Variants in UBE2U observed in about 807,000 individuals in gnomAD.
UBE2U encodes the protein ubiquitin-conjugating enzyme E2 U.
Under a neutral mutation model 41.2 loss-of-function variants are expected in UBE2U, and 39 were observed. That is an observed-to-expected ratio of 0.95 (90% CI 0.73 to 1.24). The LOEUF is 1.24. Ranked by LOEUF, UBE2U falls within the 50% of genes most tolerant of loss-of-function variation. The pLI, the probability that UBE2U is intolerant of heterozygous loss-of-function variation, is 0.00. For synonymous variants in UBE2U, 107 were observed against 117.8 expected (o/e 0.91, Z 0.60); for missense variants, 336 against 363.1 (o/e 0.93, Z 0.61).
intron 6 of UBE2U, among the ~76,000 whole-genome samples, chr1:64,221,752 C>T (rs1217411288): frequency 6.6e-6 from 1 of 152,148 alleles, no homozygotes; most frequent in Non-Finnish European, 1.5e-5. Flanking sequence ...TACTTTAGCT[C>T]ATATTTCCTT....
intron 8 of UBE2U, among the ~76,000 whole-genome samples, chr1:64,252,338 G>T (rs1298239849): frequency 1.3e-5 from 2 of 152,184 alleles, no homozygotes; most frequent in Admixed American, 1.3e-4. Context: ...CTCTGGAGAG[G>T]CCAGGTGGTC....
At chr1:64,249,248 G>A (rs1644967901) in intron 8 of UBE2U, among the ~76,000 whole-genome samples, 1 of 151,682 alleles carries the variant, frequency 6.6e-6, no homozygotes, top group South Asian at 2.1e-4. Flanking sequence ...CGCAGTGGTG[G>A]GCACCTGTAA....
chr1:64,253,036 A>G (rs1041877422), intron 8 of UBE2U, among the ~76,000 whole-genome samples: 1 of 152,206 alleles, frequency 6.6e-6, no homozygotes, highest in Non-Finnish European at 1.5e-5. Flanking sequence ...ACAGAAGATG[A>G]TAACCAGAAT....
chr1:64,210,250 C>G (rs1651583436), intron 3 of UBE2U, among the ~76,000 whole-genome samples: 1 of 152,166 alleles, frequency 6.6e-6, no homozygotes, highest in Admixed American at 6.5e-5. Context: ...CACTAAATTA[C>G]TTAACTGTGT....
chr1:64,206,759 T>C lies in UBE2U; in HGVS notation c.149-5T>C. The C allele has an allele frequency of 6.5e-7, 1 of 1,540,316 alleles. No homozygotes were observed. Among genetic ancestry groups the C allele is most frequent in the East Asian group, 2.2e-5 (1 of 44,464 alleles). ...TTAGTAAAAATGTTTATTTCTATATTATAGGTTTAGTCTTCCAACTGACAA... is the reference window on the plus strand; with the variant it reads ...TTAGTAAAAATGTTTATTTCTATATCATAGGTTTAGTCTTCCAACTGACAA... On this transcript the variant is annotated splice_region_variant and splice_polypyrimidine_tract_variant and intron_variant, in intron 2 of 9. Transcript: ENST00000371077.
chr1:64,250,918 TGGGGGGA>T (rs1295618952), intron 8 of UBE2U, among the ~76,000 whole-genome samples: 3 of 89,708 alleles, frequency 3.3e-5, no homozygotes, highest in African/African-American at 4.6e-5. Flanking sequence ...TGTCGTGGGG[TGGGGGGA>T]GGGGGGAGGT....
At chr1:64,265,799 A>C (rs1645246551) in intron 9 of UBE2U, among the ~76,000 whole-genome samples, 1 of 152,232 alleles carries the variant, frequency 6.6e-6, no homozygotes. Context: ...GCTGGTCTCG[A>C]ACCCGTGACC....
intron 5 of UBE2U, among the ~76,000 whole-genome samples, chr1:64,217,570 G>A (rs11586449): frequency 0.19 from 28,982 of 152,028 alleles, 3,048 homozygotes; most frequent in Non-Finnish European, 0.24. Flanking sequence ...TTTTTAAAAT[G>A]TAAGTTTTGT....
At chr1:64,231,114 G>A (rs1415498546) in intron 6 of UBE2U, among the ~76,000 whole-genome samples, 1 of 151,924 alleles carries the variant, frequency 6.6e-6, no homozygotes, top group African/African-American at 2.4e-5. Context: ...TACCTTTTAG[G>A]GTAATATTTT....
At chr1:64,258,880 C>A (rs1188461931) in intron 8 of UBE2U, among the ~76,000 whole-genome samples, 1 of 152,160 alleles carries the variant, frequency 6.6e-6, no homozygotes, top group African/African-American at 2.4e-5. Context: ...AGTTCTAGAT[C>A]CTTGAGGAAT....
intron 6 of UBE2U, among the ~76,000 whole-genome samples, chr1:64,223,119 T>C (rs1390339497): frequency 6.6e-6 from 1 of 152,166 alleles, no homozygotes; most frequent in Non-Finnish European, 1.5e-5. Flanking sequence ...TAGAATGAAT[T>C]CACTGAGCAT....
At chr1:64,225,661 G>C (rs1652817630) in intron 6 of UBE2U, among the ~76,000 whole-genome samples, 1 of 152,218 alleles carries the variant, frequency 6.6e-6, no homozygotes, top group Admixed American at 6.5e-5. Context: ...TTGGGCATAG[G>C]TATGGAGGAG....
chr1:64,220,907 G>T lies in UBE2U; in HGVS notation c.506G>T (p.Arg169Ile). 1 of 1,599,980 alleles carries T rather than the reference G, an allele frequency of 6.3e-7. No individual in the cohort carries two copies. Among genetic ancestry groups the T allele is most frequent in the Non-Finnish European group, 8.5e-7 (1 of 1,174,586 alleles). ...CCTAAAGACCCACGTAAATGTATCAGGTAAGTTTTTCTTTATACAATTTAT... is the reference window on the plus strand; with the variant it reads ...CCTAAAGACCCACGTAAATGTATCATGTAAGTTTTTCTTTATACAATTTAT... ...ELPKDPRKCI[R>I]PIKTTSFSDY... The change falls in exon 6 of 10, where the codon AGA (arginine) becomes ATA (isoleucine). Residue 169 changes from arginine (R) to isoleucine (I), a missense_variant and splice_region_variant. Physicochemically the swap from Arg to Ile is moderately conservative, Grantham distance 97. Transcript: ENST00000371077.
At chr1:64,263,250 C>T (rs573847578) in intron 9 of UBE2U, among the ~76,000 whole-genome samples, 1 of 152,188 alleles carries the variant, frequency 6.6e-6, no homozygotes, top group Non-Finnish European at 1.5e-5. Context: ...GCTCCACCTA[C>T]ATGAACAAAA....
chr1:64,214,407 A>G (rs1344619014), intron 4 of UBE2U, among the ~76,000 whole-genome samples: 1 of 152,248 alleles, frequency 6.6e-6, no homozygotes, highest in African/African-American at 2.4e-5. Flanking sequence ...TTTCTTGATA[A>G]CAAATTAGAT....
intron 4 of UBE2U, among the ~76,000 whole-genome samples, chr1:64,212,819 ACCT>A (rs1569964025): frequency 6.6e-6 from 1 of 152,132 alleles, no homozygotes; most frequent in African/African-American, 2.4e-5. Context: ...AGGATGCTGA[ACCT>A]CTAGTTAGTT....
chr1:64,226,499 C>T (rs1005271273), intron 6 of UBE2U, among the ~76,000 whole-genome samples: 1 of 152,080 alleles, frequency 6.6e-6, no homozygotes. Flanking sequence ...AAAACGTGTG[C>T]ATTTTATTGA....
intron 7 of UBE2U, among the ~76,000 whole-genome samples, 182 bp downstream of exon 7, chr1:64,232,831 T>A (rs1557723647): frequency 6.6e-6 from 1 of 152,076 alleles, no homozygotes; most frequent in African/African-American, 2.4e-5. Context: ...AAAAAAATAA[T>A]TTTAACTTTT....
At position 64,210,708 on chromosome 1, in the gene UBE2U, T is replaced by A. The variant is rs1651609315; in HGVS notation, c.242-34T>A. ...GTAAGTTTTAAATAATAATTTATTA[T>A]AAATGCAAATATTAATGTATTATTT... is the stretch of plus-strand genomic sequence containing the variant. On this transcript the variant is annotated intron_variant, in intron 3 of 9. Coordinates refer to ENST00000371077, the MANE Select transcript of UBE2U (RefSeq NM_001366232.2). The A allele has an allele frequency of 2.3e-6, 3 of 1,282,792 alleles. No homozygotes were observed. The South Asian group carries it at 5.3e-5, about 23-fold the overall frequency. 79.5% of individuals were successfully genotyped at this position (1,282,792 alleles called of 1,614,324 possible).
Sources: allele counts gnomAD v4.1 joint callset (sites outside exome capture counted in the v4.1 genomes callset), GRCh38; gene constraint gnomAD v4.1.1; transcripts MANE v1.5; gene names NCBI Gene and HGNC (gene_info 2026-07-23, HGNC 2026-07-21).